Variants in MRAP2 observed in about 807,000 individuals in gnomAD.
MRAP2 encodes the protein melanocortin 2 receptor accessory protein 2, also known as melanocortin-2 receptor accessory protein 2.
Under a neutral mutation model 17.4 loss-of-function variants are expected in MRAP2, and 20 were observed. That is an observed-to-expected ratio of 1.15 (90% CI 0.81 to 1.67). The LOEUF is 1.67. MRAP2 is among the 40% of genes most tolerant of loss of function. The pLI is 0.00. For missense variants in MRAP2, 238 were observed against 240.0 expected (o/e 0.99, Z 0.05); for synonymous variants, 96 against 88.4 (o/e 1.09, Z -0.48).
At chr6:84,076,066 T>G (rs1387214303) in intron 3 of MRAP2, among the ~76,000 whole-genome samples, 1 of 151,970 alleles carries the variant, frequency 6.6e-6, no homozygotes, top group East Asian at 1.9e-4. Context: ...AGGAGTTATT[T>G]TTTTTTTTCT....
At chr6:84,087,919 A>G (rs1404502716) in intron 3 of MRAP2, among the ~76,000 whole-genome samples, 1 of 152,186 alleles carries the variant, frequency 6.6e-6, no homozygotes, top group Non-Finnish European at 1.5e-5. Context: ...AGGGTTGCTG[A>G]CCTCTGAAAT....
At chr6:84,065,246 C>T (rs1400809194) in intron 3 of MRAP2, among the ~76,000 whole-genome samples, 5 of 151,392 alleles carry the variant, frequency 3.3e-5, no homozygotes, top group Non-Finnish European at 7.4e-5. Flanking sequence ...GATTGTGCTG[C>T]TGCACTGTAG....
At chr6:84,139,464 T>C in the MRAP2 span, among the ~76,000 whole-genome samples, 19 of 152,338 alleles carry the variant, frequency 1.2e-4, no homozygotes, top group South Asian at 3.9e-3. Context: ...CTGTCTTTTG[T>C]TACAGTGGCC....
the MRAP2 span, among the ~76,000 whole-genome samples, chr6:84,140,730 G>T: frequency 6.6e-6 from 1 of 152,038 alleles, no homozygotes; most frequent in African/African-American, 2.4e-5. Context: ...TCGTCATATT[G>T]CCCAGGCTGG....
At chr6:84,137,878 G>A in the MRAP2 span, among the ~76,000 whole-genome samples, 84 of 152,260 alleles carry the variant, frequency 5.5e-4, no homozygotes, top group African/African-American at 2.0e-3. Context: ...AACGGAAGAG[G>A]TGCTGGATCC....
At chr6:84,064,438 G>A (rs1211727658) in intron 3 of MRAP2, among the ~76,000 whole-genome samples, 1 of 152,154 alleles carries the variant, frequency 6.6e-6, no homozygotes, top group East Asian at 1.9e-4. Context: ...AGAGACCTGG[G>A]AGAGTGAATA....
At chr6:84,046,390 T>C (rs1246186581) in intron 1 of MRAP2, among the ~76,000 whole-genome samples, 1 of 152,090 alleles carries the variant, frequency 6.6e-6, no homozygotes, top group Non-Finnish European at 1.5e-5. Context: ...ATGTAATCCA[T>C]GAGAAGGACC....
chr6:84,130,711 T>C, the MRAP2 span, among the ~76,000 whole-genome samples: 1 of 152,196 alleles, frequency 6.6e-6, no homozygotes, highest in Admixed American at 6.5e-5. Context: ...ATATCCCCTT[T>C]ATCATTTTTT....
intron 1 of MRAP2, among the ~76,000 whole-genome samples, chr6:84,037,578 G>C (rs759208315): frequency 1.3e-5 from 2 of 152,170 alleles, no homozygotes; most frequent in African/African-American, 4.8e-5. Flanking sequence ...ACCACGGGGT[G>C]GGGGGCTGGG....
At chr6:84,116,529 C>T in the MRAP2 span, among the ~76,000 whole-genome samples, 1 of 152,266 alleles carries the variant, frequency 6.6e-6, no homozygotes, top group Admixed American at 6.5e-5. Flanking sequence ...ATGTCTTCAT[C>T]AGCAGTGTGA....
intron 2 of MRAP2, chr6:84,062,272 T>C (rs2099493351): frequency 3.9e-6 from 1 of 255,774 alleles, no homozygotes; most frequent in African/African-American, 2.3e-5. Flanking sequence ...GCAGCTACAC[T>C]TCAGGCACTC....
chr6:84,043,348 A>C (rs2099488146), intron 1 of MRAP2, among the ~76,000 whole-genome samples: 1 of 152,190 alleles, frequency 6.6e-6, no homozygotes, highest in Non-Finnish European at 1.5e-5. Context: ...GATTCAGATA[A>C]TCCACATAAT....
the MRAP2 span, among the ~76,000 whole-genome samples, chr6:84,139,923 AC>A: frequency 1.9e-5 from 2 of 103,448 alleles, no homozygotes; most frequent in Admixed American, 1.8e-4. Context: ...TGTTCCAGCC[AC>A]CCTCTCAGGC....
intron 3 of MRAP2, among the ~76,000 whole-genome samples, chr6:84,071,370 C>T (rs933891906): frequency 2.0e-5 from 3 of 152,092 alleles, no homozygotes; most frequent in Non-Finnish European, 2.9e-5. Flanking sequence ...TAATTCTTGG[C>T]TGGTAATTGT....
At chr6:84,074,593 A>T (rs905017683) in intron 3 of MRAP2, among the ~76,000 whole-genome samples, 1 of 152,188 alleles carries the variant, frequency 6.6e-6, no homozygotes, top group African/African-American at 2.4e-5. Context: ...AGTAGTAATC[A>T]CAGGATGACA....
chr6:84,093,259 C>G (rs539749687), downstream of MRAP2, among the ~76,000 whole-genome samples: 2,727 of 135,602 alleles, frequency 0.02, 95 homozygotes, highest in African/African-American at 0.086. Context: ...GAGAATAGGG[C>G]AAGAAAAATA....
intron 1 of MRAP2, among the ~76,000 whole-genome samples, chr6:84,048,164 T>A (rs1241647511): frequency 6.6e-6 from 1 of 152,156 alleles, no homozygotes; most frequent in Non-Finnish European, 1.5e-5. Context: ...CATATGGTTA[T>A]TCCATGTTTA....
chr6:84,135,201 G>A, the MRAP2 span, among the ~76,000 whole-genome samples: 1 of 152,142 alleles, frequency 6.6e-6, no homozygotes, highest in South Asian at 2.1e-4. Context: ...AAAAACACAT[G>A]CATAGTGAAT....
chr6:84,123,244 G>A, the MRAP2 span, among the ~76,000 whole-genome samples: 14 of 121,594 alleles, frequency 1.2e-4, no homozygotes, highest in African/African-American at 5.4e-4. Context: ...CATATTGAAC[G>A]CCCAACTCCA....
Sources: allele counts gnomAD v4.1 joint callset (sites outside exome capture counted in the v4.1 genomes callset), GRCh38; gene constraint gnomAD v4.1.1; transcripts MANE v1.5; gene names NCBI Gene and HGNC (gene_info 2026-07-23, HGNC 2026-07-21).